PTPRM: variants seen among roughly 807,000 people sequenced by gnomAD.
The protein encoded by PTPRM is protein tyrosine phosphatase receptor type M, also known as receptor-type tyrosine-protein phosphatase mu.
PTPRM carries 47 observed loss-of-function variants against 186.7 expected under a neutral mutation model. That is an observed-to-expected ratio of 0.25 (90% CI 0.20 to 0.32). The LOEUF is 0.32. Among genes scored for constraint, PTPRM ranks in the 10% least tolerant of loss-of-function variants. PTPRM has a pLI of 1.00. For missense variants in PTPRM, 1,494 were observed against 1,865.0 expected (o/e 0.80, Z 3.66); for synonymous variants, 668 against 674.9 (o/e 0.99, Z 0.16).
At chr18:8,159,109 T>C (rs2093179315) in intron 14 of PTPRM, among the ~76,000 whole-genome samples, 1 of 151,462 alleles carries the variant, frequency 6.6e-6, no homozygotes, top group South Asian at 2.1e-4. Context: ...TTTAGATTCA[T>C]TTATAGAAAA....
chr18:7,832,320 T>C lies in PTPRM; in HGVS notation c.197-55786T>C, dbSNP rs1055367360. Among the ~76,000 whole-genome samples, 7 of 152,226 alleles carry C rather than the reference T, an allele frequency of 4.6e-5. No individual in the cohort carries two copies. In the South Asian group the frequency reaches 1.0e-3, roughly 22 times the overall value. ...CCTGTCTTTTGGATATAAGCCGTTT[T>C]AACTGGGGCGAGATGATATCTCATT... On this transcript the variant is annotated intron_variant, in intron 2 of 32. Coordinates refer to ENST00000580170, the MANE Select transcript of PTPRM (RefSeq NM_001105244.2).
intron 13 of PTPRM, among the ~76,000 whole-genome samples, chr18:8,136,255 A>T (rs752835833): frequency 6.6e-6 from 1 of 152,200 alleles, no homozygotes; most frequent in Non-Finnish European, 1.5e-5. Context: ...CTTATTATTG[A>T]CAGTTTGTTT....
At chr18:7,980,434 T>C (rs945757407) in intron 7 of PTPRM, among the ~76,000 whole-genome samples, 1 of 152,118 alleles carries the variant, frequency 6.6e-6, no homozygotes, top group African/African-American at 2.4e-5. Context: ...TCACCCAGGC[T>C]GGAGTGCAGT....
chr18:8,372,840 A>G (rs1253880598), intron 24 of PTPRM, among the ~76,000 whole-genome samples: 1 of 152,250 alleles, frequency 6.6e-6, no homozygotes, highest in East Asian at 1.9e-4. Flanking sequence ...AAAAAATCCA[A>G]AAGCCATCAT....
intron 11 of PTPRM, among the ~76,000 whole-genome samples, chr18:8,109,886 T>G (rs988608365): frequency 2.6e-5 from 4 of 152,212 alleles, no homozygotes; most frequent in Admixed American, 6.5e-5. Context: ...AGGTTCATTA[T>G]TTAATTGTGG....
At chr18:7,614,087 C>T (rs1430791337) in intron 1 of PTPRM, among the ~76,000 whole-genome samples, 1 of 152,170 alleles carries the variant, frequency 6.6e-6, no homozygotes, top group Non-Finnish European at 1.5e-5. Flanking sequence ...CTTTTTCTTC[C>T]ACCCTCTCCA....
At chr18:7,582,985 A>G (rs1265419569) in intron 1 of PTPRM, among the ~76,000 whole-genome samples, 2 of 152,180 alleles carry the variant, frequency 1.3e-5, no homozygotes, top group Non-Finnish European at 2.9e-5. Context: ...ATCTGTGAAA[A>G]GGGTATGAAT....
chr18:7,608,688 C>T (rs1435327943), intron 1 of PTPRM, among the ~76,000 whole-genome samples: 1 of 152,108 alleles, frequency 6.6e-6, no homozygotes, highest in Non-Finnish European at 1.5e-5. Flanking sequence ...GGGCCTGCTC[C>T]CATTCTTGCG....
At position 7,623,373 on chromosome 18, in the gene PTPRM, C is replaced by A. The variant is rs985914114; in HGVS notation, c.73+55482C>A. Among the ~76,000 whole-genome samples, 3 of 152,208 alleles carry A rather than the reference C, an allele frequency of 2.0e-5. No individual in the cohort carries two copies. The South Asian group carries it at 6.2e-4, about 32-fold the overall frequency. On this transcript the variant is annotated intron_variant, in intron 1 of 32. Transcript: ENST00000580170. ...AACATACTACCTACTCAAAGTAGCA[C>A]TACTAACAATTTGTTGTATTTTTGC...
At chr18:7,604,175 C>A (rs1357316199) in intron 1 of PTPRM, among the ~76,000 whole-genome samples, 1 of 152,038 alleles carries the variant, frequency 6.6e-6, no homozygotes, top group African/African-American at 2.4e-5. Context: ...AAAAATGATC[C>A]AGGTTGTGAA....
intron 14 of PTPRM, among the ~76,000 whole-genome samples, chr18:8,170,379 C>A (rs781596306): frequency 5.9e-5 from 9 of 151,992 alleles, no homozygotes; most frequent in Non-Finnish European, 1.3e-4. Flanking sequence ...AGTCCTTGCT[C>A]CTTCAAACTA....
At chr18:8,277,103 ATT>A (rs1601597120) in intron 19 of PTPRM, among the ~76,000 whole-genome samples, 2 of 152,010 alleles carry the variant, frequency 1.3e-5, no homozygotes, top group Non-Finnish European at 2.9e-5. Context: ...TGCCTGGCTA[ATT>A]TTTCTATTTT....
intron 24 of PTPRM, 144 bp from the exon 25 acceptor site, chr18:8,375,902 A>C (rs2095691722): frequency 1.2e-6 from 1 of 809,078 alleles, no homozygotes; most frequent in African/African-American, 1.7e-5. Context: ...AGATCTAAGG[A>C]TGGCCTCTTT....
intron 8 of PTPRM, among the ~76,000 whole-genome samples, chr18:8,075,573 A>G (rs2089758499): frequency 6.6e-6 from 1 of 152,186 alleles, no homozygotes; most frequent in South Asian, 2.1e-4. Context: ...ACATTTTATA[A>G]TGATATTGAA....
rs376001211 is a variant in PTPRM at position 7,891,093 on chromosome 18, A to G, written c.468+2716A>G. Among the ~76,000 whole-genome samples, 120 of 149,602 alleles carry G rather than the reference A, an allele frequency of 8.0e-4. 1 individual carries two copies. The highest frequency in any genetic ancestry group is 2.9e-3 in the African/African-American group (116 of 40,054). ...GGAGTTTAAGACCAGCCTGGGCAAC[A>G]TGGCGAAATCCAGTGTCTCCAAAAA... On this transcript the variant is annotated intron_variant, in intron 3 of 32. Transcript: ENST00000580170.
rs886147215 is a variant in PTPRM at position 7,568,129 on chromosome 18, C to T, written c.73+238C>T. ...CGGACCCCGAGGGCGAGCTCCCCAG[C>T]CGGGACTGCCAGCTCGGCCGCCGTC... On this transcript the variant is annotated intron_variant, in intron 1 of 32. Transcript: ENST00000580170. The surrounding 1 kb of genome is among the most constrained non-coding windows in gnomAD (Gnocchi z 5.1). Among the ~76,000 whole-genome samples the T allele has an allele frequency of 6.6e-6, 1 of 151,918 alleles. No individual in the cohort carries two copies. Among genetic ancestry groups the T allele is most frequent in the Non-Finnish European group, 1.5e-5 (1 of 67,940 alleles).
intron 14 of PTPRM, among the ~76,000 whole-genome samples, chr18:8,209,989 T>TAAAAAAAAAAA (rs67547673): frequency 3.7e-4 from 29 of 78,686 alleles, no homozygotes; most frequent in Non-Finnish European, 6.1e-4. Flanking sequence ...GAAGTAAAAT[T>TAAAAAAAAAAA]AAAAAAAAAA....
chr18:7,949,336 T>C lies in PTPRM; in HGVS notation c.819T>C (p.Tyr273=). The change falls in exon 6 of 33, where the codon TAT becomes TAC. Residue 273 remains tyrosine (Y), a synonymous_variant. Transcript: ENST00000580170. Reference sequence around the variant, plus strand: ...AAGGAGGTGTTGGAATATCAAACTATGCAGAGTTGGTAGTTAAAGGTATTT... The same window carrying C: ...AAGGAGGTGTTGGAATATCAAACTACGCAGAGTTGGTAGTTAAAGGTATTT... The part of the protein sequence containing the change: ...RTEGGVGISN[Y]AELVVKEPPV... 1.9e-6 allele frequency: 3 copies of C among 1,613,492 alleles called. No homozygotes were observed. Among genetic ancestry groups the C allele is most frequent in the Non-Finnish European group, 2.5e-6 (3 of 1,179,578 alleles).
At chr18:8,355,841 A>G (rs2095560559) in intron 23 of PTPRM, among the ~76,000 whole-genome samples, 1 of 152,242 alleles carries the variant, frequency 6.6e-6, no homozygotes, top group Non-Finnish European at 1.5e-5. Flanking sequence ...CCAGAGGGCT[A>G]GTGAGCCAAA....
Sources: allele counts gnomAD v4.1 joint callset (sites outside exome capture counted in the v4.1 genomes callset), GRCh38; gene constraint gnomAD v4.1.1; non-coding constraint Gnocchi (gnomAD v3.1); transcripts MANE v1.5; gene names NCBI Gene and HGNC (gene_info 2026-07-23, HGNC 2026-07-21).